The following EXOC2 variants were observed in gnomAD, a reference collection of about 807,000 sequenced individuals.
EXOC2 encodes the protein exocyst complex component 2, also known as SEC5-like 1.
EXOC2 carries 70 observed loss-of-function variants against 131.8 expected under a neutral mutation model. The observed-to-expected ratio is 0.53, with a 90% CI of 0.44 to 0.65. EXOC2 has a LOEUF of 0.65. Ranked by LOEUF, EXOC2 falls within the 30% of genes least tolerant of loss-of-function variation. The pLI is 0.00. For synonymous variants in EXOC2, 411 were observed against 398.4 expected, an observed-to-expected ratio of 1.03 and a Z score of -0.38; for missense variants, 923 against 1,108.6, an observed-to-expected ratio of 0.83 and a Z score of 2.38.
chr6:564,891 A>T lies in EXOC2; in HGVS notation c.1482T>A (p.Asn494Lys). 6.2e-7 allele frequency: 1 copy of T among 1,613,044 alleles called. No homozygotes were observed. Among genetic ancestry groups the T allele is most frequent in the Non-Finnish European group, 8.5e-7 (1 of 1,179,632 alleles). ...TAAAATCATTTTGTCTTTGCCTTAC[A>T]TTCTTTGATCTTTCAATCTGGCCTG... ...EKSGQIERSK[N>K]VRQRQNDFKK... The change falls in exon 14 of 28, where the codon AAT becomes AAA. Residue 494 changes from asparagine to lysine, a missense_variant. Asn to Lys is a moderately conservative substitution (Grantham distance 94). Transcript: ENST00000230449.
chr6:610,288 G>A (rs1581549288), intron 6 of EXOC2, 110 bp from the exon 7 acceptor site: 1 of 964,258 alleles, frequency 1.0e-6, no homozygotes, highest in East Asian at 2.6e-5. Flanking sequence ...TATTTTCACT[G>A]CTGAAAAGCA....
Position 564,604 on chromosome 6 carries a change from G to A in EXOC2, c.1608C>T (p.Gly536=). ...IRDGEAKQYG[G]WEVKCELSGQ... ...CGGAGAGCTCGCACTTCACCTCCCA[G>A]CCTCCGTACTGCTTGGCTTCCCCAT... The change falls in exon 15 of 28, where the codon GGC becomes GGT. Residue 536 remains glycine (G), a synonymous_variant. Coordinates refer to ENST00000230449, the MANE Select transcript of EXOC2 (RefSeq NM_018303.6). 6.2e-7 allele frequency: 1 copy of A among 1,614,074 alleles called. No individual in the cohort carries two copies. The highest frequency in any genetic ancestry group is 8.5e-7 in the Non-Finnish European group (1 of 1,180,006).
chr6:504,082 C>T (rs879545799), intron 23 of EXOC2, among the ~76,000 whole-genome samples: 11 of 152,226 alleles, frequency 7.2e-5, no homozygotes, highest in South Asian at 4.1e-4. Context: ...GCAGCTCTGA[C>T]GGCCAACACC....
At chr6:523,379 C>T (rs139563744) in intron 23 of EXOC2, among the ~76,000 whole-genome samples, 2 of 152,318 alleles carry the variant, frequency 1.3e-5, no homozygotes, top group African/African-American at 4.8e-5. Flanking sequence ...TCTATTTATG[C>T]TTTAAACCTG....
intron 23 of EXOC2, among the ~76,000 whole-genome samples, chr6:508,369 G>C (rs990204595): frequency 6.6e-6 from 1 of 152,192 alleles, no homozygotes; most frequent in South Asian, 2.1e-4. Flanking sequence ...TTACAGGTTT[G>C]GACAAATATA....
chr6:619,292 A>G, intron 5 of EXOC2, 138 bp downstream of exon 5: 1 of 580,306 alleles, frequency 1.7e-6, no homozygotes, highest in Non-Finnish European at 3.0e-6. Context: ...TCACGGGTAA[A>G]CGCAAAGTCA....
At chr6:488,809 G>A (rs896907337) in intron 27 of EXOC2, among the ~76,000 whole-genome samples, 170 bp downstream of exon 27, 15 of 152,174 alleles carry the variant, frequency 9.9e-5, no homozygotes, top group African/African-American at 3.4e-4. Context: ...AGTTACAGGT[G>A]ACGAGATGTA....
intron 4 of EXOC2, among the ~76,000 whole-genome samples, chr6:623,903 G>A (rs1017414865): frequency 6.6e-6 from 1 of 152,174 alleles, no homozygotes; most frequent in Non-Finnish European, 1.5e-5. Flanking sequence ...AAGGAAATGT[G>A]TTTTATGCTA....
chr6:567,283 G>A (rs1401332769), intron 13 of EXOC2, among the ~76,000 whole-genome samples: 3 of 152,274 alleles, frequency 2.0e-5, no homozygotes, highest in South Asian at 2.1e-4. Flanking sequence ...GGTGCTGCAG[G>A]CGTCCTTCTC....
At chr6:558,941 A>C (rs1757564328) in intron 17 of EXOC2, among the ~76,000 whole-genome samples, 1 of 152,222 alleles carries the variant, frequency 6.6e-6, no homozygotes, top group Admixed American at 6.5e-5. Context: ...CTAATATAAT[A>C]AGTAGAAACA....
In EXOC2 at chr6:511,997, G is replaced by A. The variant is rs184161765; in HGVS notation, c.2381-12297C>T. Among the ~76,000 whole-genome samples the A allele has an allele frequency of 2.9e-3, 437 of 152,270 alleles. 2 individuals carry two copies. Among genetic ancestry groups the A allele is most frequent in the African/African-American group, 5.2e-3 (215 of 41,542 alleles). ...CTTTACTCTTCCTGGTATCTTTATCGTTCATTCACAGCTTTGCCATACTTG... is the reference window on the plus strand; with the variant it reads ...CTTTACTCTTCCTGGTATCTTTATCATTCATTCACAGCTTTGCCATACTTG... On this transcript the variant is annotated intron_variant, in intron 23 of 27. Transcript: ENST00000230449.
chr6:622,270 G>A (rs1400728683), intron 4 of EXOC2, among the ~76,000 whole-genome samples: 2 of 152,112 alleles, frequency 1.3e-5, no homozygotes, highest in Non-Finnish European at 2.9e-5. Flanking sequence ...ATGCGCTACT[G>A]GTATCAACTA....
At chr6:498,411 T>C (rs1393378671) in intron 24 of EXOC2, among the ~76,000 whole-genome samples, 1 of 152,222 alleles carries the variant, frequency 6.6e-6, no homozygotes, top group East Asian at 1.9e-4. Flanking sequence ...ATTTGCACTT[T>C]GGGCTCAAAT....
Position 607,340 on chromosome 6 carries a change from T to C in EXOC2, c.742+2758A>G, listed in dbSNP as rs116062784. On this transcript the variant is annotated intron_variant, in intron 7 of 27. Coordinates refer to ENST00000230449, the MANE Select transcript of EXOC2 (RefSeq NM_018303.6). ...ACTTACATAACCTTACATGGCTCAATTAATCTTCTGGGCTTTAGTTTTTTT... is the reference window on the plus strand; with the variant it reads ...ACTTACATAACCTTACATGGCTCAACTAATCTTCTGGGCTTTAGTTTTTTT... Among the ~76,000 whole-genome samples the C allele has an allele frequency of 4.4e-3, 675 of 152,352 alleles. 1 individual carries two copies. The highest frequency in any genetic ancestry group is 7.8e-3 in the Non-Finnish European group (530 of 68,024).
rs908988024 is a variant in EXOC2 at position 517,930 on chromosome 6, T to C, written c.2380+14539A>G. 2.6e-5 allele frequency among the ~76,000 whole-genome samples: 4 copies of C among 152,114 alleles called. No individual in the cohort carries two copies. The East Asian group carries it at 7.7e-4, about 29-fold the overall frequency. On this transcript the variant is annotated intron_variant, in intron 23 of 27. Coordinates refer to ENST00000230449, the MANE Select transcript of EXOC2 (RefSeq NM_018303.6). ...CCCGATTTATTCATTTAAAGATGGG[T>C]GGGTAACAGGCAAACAACCACTTCA...
At chr6:683,882 G>A (rs1764522903) in intron 1 of EXOC2, among the ~76,000 whole-genome samples, 1 of 152,334 alleles carries the variant, frequency 6.6e-6, no homozygotes, top group African/African-American at 2.4e-5. Context: ...GCAGGCAGAT[G>A]CTATGGAAAG....
At chr6:676,284 C>T (rs1456359982) in intron 1 of EXOC2, among the ~76,000 whole-genome samples, 327 of 110,164 alleles carry the variant, frequency 3.0e-3, no homozygotes, top group Non-Finnish European at 3.9e-3. Flanking sequence ...GGACAGGTTC[C>T]TCTGGAGACT....
intron 1 of EXOC2, among the ~76,000 whole-genome samples, chr6:677,385 A>C (rs1764195074): frequency 6.6e-6 from 1 of 152,390 alleles, no homozygotes; most frequent in Middle Eastern, 3.4e-3. Context: ...GTAGGAATAA[A>C]CATGGCTCTT....
At chr6:613,069 C>T (rs1435101592) in intron 6 of EXOC2, among the ~76,000 whole-genome samples, 2 of 152,120 alleles carry the variant, frequency 1.3e-5, no homozygotes, top group Non-Finnish European at 2.9e-5. Flanking sequence ...GGAGGACCAG[C>T]GTGAGCAGTA....
Sources: gnomAD v4.1 joint callset for allele counts (sites outside exome capture counted in the v4.1 genomes callset) on GRCh38, gnomAD v4.1.1 for gene constraint, MANE v1.5 for transcripts, NCBI Gene and HGNC (gene_info 2026-07-23, HGNC 2026-07-21) for gene names.